ATXN2: variants seen among roughly 807,000 people sequenced by gnomAD.
ATXN2 encodes the protein ataxin 2.
In ATXN2, 37 loss-of-function variants were observed where a neutral mutation model predicts 138.6. The observed-to-expected ratio is 0.27, with a 90% CI of 0.21 to 0.35. The LOEUF (loss-of-function observed/expected upper bound fraction) is 0.35. ATXN2 is among the 10% of genes least tolerant of loss of function. The pLI, the probability that ATXN2 is intolerant of heterozygous loss-of-function variation, is 1.00. For missense variants in ATXN2, 1,216 were observed against 1,480.3 expected (o/e 0.82, Z 2.93); for synonymous variants, 549 against 543.7 (o/e 1.01, Z -0.13).
intron 14 of ATXN2, among the ~76,000 whole-genome samples, chr12:111,489,438 C>T (rs1274642188): frequency 1.3e-5 from 2 of 151,954 alleles, no homozygotes; most frequent in African/African-American, 2.4e-5. Context: ...CACGCTGAAA[C>T]CCCATCTCTA....
chr12:111,514,976 T>C (rs540789924), intron 10 of ATXN2, among the ~76,000 whole-genome samples: 2 of 152,360 alleles, frequency 1.3e-5, no homozygotes, highest in South Asian at 4.1e-4. Flanking sequence ...GATCATGTTT[T>C]ATTTAATATA....
Position 111,542,831 on chromosome 12 carries a change from A to AT in ATXN2, c.571+9448dup, listed in dbSNP as rs952360897. Among the ~76,000 whole-genome samples, 119 of 152,186 alleles carry AT rather than the reference A, an allele frequency of 7.8e-4. 4 individuals carry two copies. Among genetic ancestry groups the AT allele is most frequent in the South Asian group, 4.1e-4 (2 of 4,820 alleles). ...CTTACTCTTACTAGTACCACACAGT[A>AT]TTTTTTTATCGTTTGTCCAAATAAA... On this transcript the variant is annotated intron_variant, in intron 5 of 24. Transcript: ENST00000673436.
At position 111,519,941 on chromosome 12, in the gene ATXN2, T is replaced by C. The variant is rs376251025; in HGVS notation, c.924A>G (p.Glu308=). 14 of 1,614,080 alleles carry C rather than the reference T, an allele frequency of 8.7e-6. No individual in the cohort carries two copies. The African/African-American group carries it at 1.2e-4, about 14-fold the overall frequency. Reference sequence around the variant, plus strand: ...TTCTCTGAACTGCTGTGTATTTTTCTTCCTCACTCCTATCATCATTTTCCA... The same window carrying C: ...TTCTCTGAACTGCTGTGTATTTTTCCTCCTCACTCCTATCATCATTTTCCA... ...VALENDDRSE[E]EKYTAVQRNS... The change falls in exon 8 of 25, where the codon GAA becomes GAG. Residue 308 remains glutamate (E), a synonymous_variant. Coordinates refer to ENST00000673436, the MANE Select transcript of ATXN2 (RefSeq NM_001372574.1).
intron 1 of ATXN2, among the ~76,000 whole-genome samples, chr12:111,578,163 C>A (rs1325784646): frequency 6.6e-6 from 1 of 152,172 alleles, no homozygotes; most frequent in Non-Finnish European, 1.5e-5. Context: ...CGCCACTACA[C>A]TCCAGCCTGG....
At chr12:111,459,511 G>A (rs997388043) in intron 21 of ATXN2, among the ~76,000 whole-genome samples, 15 of 152,214 alleles carry the variant, frequency 9.9e-5, no homozygotes, top group Admixed American at 9.8e-4. Context: ...CACCATCTCG[G>A]CTCACTGCAA....
At chr12:111,472,575 T>C (rs905050082) in intron 18 of ATXN2, among the ~76,000 whole-genome samples, 2 of 152,134 alleles carry the variant, frequency 1.3e-5, no homozygotes, top group Non-Finnish European at 2.9e-5. Flanking sequence ...TTTTTATTTA[T>C]TTATTTTCTT....
intron 1 of ATXN2, among the ~76,000 whole-genome samples, chr12:111,565,862 G>C (rs551340020): frequency 6.6e-6 from 1 of 152,036 alleles, no homozygotes; most frequent in Non-Finnish European, 1.5e-5. Context: ...CAGACGTGGT[G>C]GTGGGCGCCT....
intron 21 of ATXN2, among the ~76,000 whole-genome samples, chr12:111,462,676 C>A (rs1238376405): frequency 6.6e-6 from 1 of 152,102 alleles, no homozygotes. Flanking sequence ...GGAAGTTGTG[C>A]TAAGGCAATT....
At chr12:111,551,758 A>G (rs1006621662) in intron 5 of ATXN2, among the ~76,000 whole-genome samples, 1 of 152,236 alleles carries the variant, frequency 6.6e-6, no homozygotes, top group African/African-American at 2.4e-5. Flanking sequence ...TTAAGAGATC[A>G]CAAAAACTCT....
intron 5 of ATXN2, among the ~76,000 whole-genome samples, chr12:111,535,660 T>A (rs965622336): frequency 6.6e-6 from 1 of 150,836 alleles, no homozygotes; most frequent in African/African-American, 2.4e-5. Context: ...GTTGGTGATG[T>A]CTAACACACA....
At chr12:111,581,645 G>A in intron 1 of ATXN2, 1 of 753,694 alleles carries the variant, frequency 1.3e-6, no homozygotes, top group Admixed American at 1.8e-5. Flanking sequence ...CAAGAAGATG[G>A]TTGGCGACCT....
At chr12:111,472,762 C>G (rs950680692) in intron 18 of ATXN2, among the ~76,000 whole-genome samples, 1 of 151,868 alleles carries the variant, frequency 6.6e-6, no homozygotes, top group African/African-American at 2.4e-5. Flanking sequence ...TTAGTAGAGA[C>G]GGGGTTTCAC....
At chr12:111,580,689 AGGGG>A (rs1416505630) in intron 1 of ATXN2, among the ~76,000 whole-genome samples, 1 of 29,606 alleles carries the variant, frequency 3.4e-5, no homozygotes, top group African/African-American at 1.4e-4. Context: ...GGGAGAGAGA[AGGGG>A]AGGGAGGGAG....
At chr12:111,579,420 G>T (rs1883861372) in intron 1 of ATXN2, among the ~76,000 whole-genome samples, 1 of 151,972 alleles carries the variant, frequency 6.6e-6, no homozygotes, top group South Asian at 2.1e-4. Context: ...GCGCCACCAC[G>T]CCTGGCTAAT....
intron 1 of ATXN2, among the ~76,000 whole-genome samples, chr12:111,584,627 CAAGACTATCCT>C (rs968751319): frequency 3.3e-5 from 5 of 151,830 alleles, no homozygotes. Context: ...GTCAAGAGAT[CAAGACTATCCT>C]GGCCAACATG....
chr12:111,494,487 ACAATATTGACTCACTG>A (rs1878278308), intron 14 of ATXN2, among the ~76,000 whole-genome samples: 1 of 142,814 alleles, frequency 7.0e-6, no homozygotes, highest in Non-Finnish European at 1.5e-5. Flanking sequence ...GTGCAGTGGC[ACAATATTGACTCACTG>A]CAACCTCTGC....
At chr12:111,508,287 AC>A (rs1222837424) in intron 14 of ATXN2, among the ~76,000 whole-genome samples, 5 of 144,726 alleles carry the variant, frequency 3.5e-5, no homozygotes, top group African/African-American at 1.5e-4. Flanking sequence ...TTGGAAGGAA[AC>A]AGGGGGAAGC....
chr12:111,510,645 C>T, intron 11 of ATXN2, 63 bp from the exon 12 acceptor site: 1 of 1,421,700 alleles, frequency 7.0e-7, no homozygotes, highest in South Asian at 1.3e-5. Context: ...CTAAAAGAGG[C>T]TTCAGGCTTC....
rs367736419 is a variant in ATXN2 at position 111,552,325 on chromosome 12, C to G, written c.526G>C (p.Val176Leu). The G allele has an allele frequency of 1.9e-6, 3 of 1,613,220 alleles. No homozygotes were observed. The highest frequency in any genetic ancestry group is 2.5e-6 in the Non-Finnish European group (3 of 1,179,722). ...TCCATATCTTTAAACTGTACCACAA[C>G]AAAGTCTGAACATTTGAACAAAATA... is the stretch of plus-strand genomic sequence containing the variant. ...ESILFKCSDF[V>L]VVQFKDMDSS... is the part of the protein sequence containing the mutation. Residue 176 changes from valine (V) to leucine (L), a missense_variant, in exon 5 of 25, where the codon GTT becomes CTT. By Grantham distance (32) the Val-to-Leu change is conservative. This residue lies in a region of ATXN2 where 401 missense variants were observed against 528.1 expected (regional missense o/e 0.76). Coordinates refer to ENST00000673436, the MANE Select transcript of ATXN2 (RefSeq NM_001372574.1). This position sits in a 1 kb window ranked among gnomAD's most constrained non-coding sequence, Gnocchi z 4.1.
Sources: allele counts gnomAD v4.1 joint callset (sites outside exome capture counted in the v4.1 genomes callset), GRCh38; gene constraint gnomAD v4.1.1; regional missense constraint gnomAD v4.1.1; non-coding constraint Gnocchi (gnomAD v3.1); transcripts MANE v1.5; gene names NCBI Gene and HGNC (gene_info 2026-07-23, HGNC 2026-07-21).